TPST1: variants seen among roughly 807,000 people sequenced by gnomAD.
TPST1 encodes the protein tyrosylprotein sulfotransferase 1, also known as protein-tyrosine sulfotransferase 1.
TPST1 carries 20 observed loss-of-function variants against 34.8 expected under a neutral mutation model. The ratio of observed to expected loss-of-function variants is 0.57; its 90% CI spans 0.40 to 0.84. TPST1 has a LOEUF of 0.84. TPST1 is among the 40% of genes least tolerant of loss of function. TPST1 has a pLI of 0.00. For missense variants in TPST1, 353 were observed against 455.5 expected (o/e 0.78, Z 2.05); for synonymous variants, 152 against 159.4 (o/e 0.95, Z 0.35).
chr7:66,225,379 A>G (rs529045603), intron 1 of TPST1, among the ~76,000 whole-genome samples: 101 of 151,742 alleles, frequency 6.7e-4, no homozygotes, highest in Admixed American at 2.2e-3. Context: ...TGGGAGGCTG[A>G]GGCGGGCGGA....
intron 1 of TPST1, among the ~76,000 whole-genome samples, chr7:66,227,263 C>T (rs1019338376): frequency 6.6e-6 from 1 of 151,858 alleles, no homozygotes; most frequent in African/African-American, 2.4e-5. Flanking sequence ...GAACTCCTGA[C>T]CTTGTGATCT....
chr7:66,283,175 C>T (rs772316955), intron 2 of TPST1, among the ~76,000 whole-genome samples: 6 of 152,038 alleles, frequency 3.9e-5, no homozygotes, highest in East Asian at 1.9e-4. Context: ...GCAGGAGAAT[C>T]GCTTGAACCC....
At chr7:66,341,720 G>T (rs1792242580) in intron 3 of TPST1, among the ~76,000 whole-genome samples, 1 of 152,188 alleles carries the variant, frequency 6.6e-6, no homozygotes, top group African/African-American at 2.4e-5. Flanking sequence ...GAAATTGGCA[G>T]AACATCTCTA....
At position 66,215,906 on chromosome 7, in the gene TPST1, G is replaced by A. The variant is rs560372016; in HGVS notation, c.-102+10384G>A. On this transcript the variant is annotated intron_variant, in intron 1 of 5. Coordinates refer to ENST00000304842, the MANE Select transcript of TPST1 (RefSeq NM_003596.4). The stretch of plus-strand genomic sequence containing the variant: ...TCCTGCCTCGGCCTCCCAAGTAGCT[G>A]GGACTACAGGCGCCCGCCACGACGG... 4.6e-5 allele frequency among the ~76,000 whole-genome samples: 7 copies of A among 151,224 alleles called. No homozygotes were observed. In the South Asian group the frequency reaches 1.5e-3, roughly 32 times the overall value.
chr7:66,275,394 G>A (rs1001489435), intron 2 of TPST1, among the ~76,000 whole-genome samples: 1 of 152,084 alleles, frequency 6.6e-6, no homozygotes, highest in Non-Finnish European at 1.5e-5. Context: ...CAAAGGAATT[G>A]AAATCAGAAT....
chr7:66,338,216 T>A (rs1004292307), intron 3 of TPST1, among the ~76,000 whole-genome samples: 6 of 151,700 alleles, frequency 4.0e-5, no homozygotes, highest in African/African-American at 1.5e-4. Context: ...TAAACTTAAA[T>A]CAAGATGGTT....
At chr7:66,302,445 G>A (rs1791335834) in intron 3 of TPST1, among the ~76,000 whole-genome samples, 2 of 152,288 alleles carry the variant, frequency 1.3e-5, no homozygotes, top group South Asian at 4.2e-4. Flanking sequence ...CTCTCACTGT[G>A]CTCCCACCAG....
chr7:66,323,539 A>G (rs909705432), intron 3 of TPST1, among the ~76,000 whole-genome samples: 2 of 152,204 alleles, frequency 1.3e-5, no homozygotes, highest in African/African-American at 4.8e-5. Flanking sequence ...GAACCACCCT[A>G]GCATTCCTGA....
intron 3 of TPST1, among the ~76,000 whole-genome samples, chr7:66,300,143 A>G (rs182370660): frequency 3.2e-4 from 48 of 152,342 alleles, no homozygotes; most frequent in African/African-American, 9.6e-5. Flanking sequence ...TCTTACCTCC[A>G]TGTTGATGAC....
Position 66,360,209 on chromosome 7 carries a change from G to A in TPST1, c.*344G>A. 1 of 310,184 alleles carries A rather than the reference G, an allele frequency of 3.2e-6. No homozygotes were observed. Among genetic ancestry groups the A allele is most frequent in the Non-Finnish European group, 6.4e-6 (1 of 155,712 alleles). The allele number at this position is 310,184 out of a possible 1,614,324, so 19.2% of individuals were successfully genotyped here. ...TTTTCAAGGAGAGGGTTTAAAAATG[G>A]GATCCTGTAAGCAGACTTGGGCAGT... On this transcript the variant is annotated 3_prime_UTR_variant, in exon 6 of 6. Transcript: ENST00000304842.
At chr7:66,352,900 G>A in intron 4 of TPST1, 1 of 985,410 alleles carries the variant, frequency 1.0e-6, no homozygotes, top group Non-Finnish European at 1.2e-6. Context: ...AAAATGTTCA[G>A]CGACCCTCTC....
chr7:66,234,162 TC>T (rs1789856905), intron 1 of TPST1, among the ~76,000 whole-genome samples: 1 of 152,214 alleles, frequency 6.6e-6, no homozygotes, highest in South Asian at 2.1e-4. Flanking sequence ...CTGGCCTACT[TC>T]CTGCTTCTTG....
At chr7:66,248,792 C>T (rs926353816) in intron 2 of TPST1, among the ~76,000 whole-genome samples, 4 of 152,086 alleles carry the variant, frequency 2.6e-5, no homozygotes, top group Admixed American at 6.5e-5. Flanking sequence ...GGATTATAGG[C>T]GTGAGCCACC....
At chr7:66,263,426 A>G (rs570197133) in intron 2 of TPST1, among the ~76,000 whole-genome samples, 3 of 152,240 alleles carry the variant, frequency 2.0e-5, no homozygotes, top group South Asian at 4.2e-4. Flanking sequence ...AGTTTCTCAT[A>G]CTAGTCTCTG....
upstream of TPST1, among the ~76,000 whole-genome samples, chr7:66,201,304 G>A (rs1225210954): frequency 6.6e-6 from 1 of 151,106 alleles, no homozygotes; most frequent in Non-Finnish European, 1.5e-5. Flanking sequence ...ACCACTTTGG[G>A]AGGCCAGCGT....
At chr7:66,257,143 C>T (rs193013576) in intron 2 of TPST1, among the ~76,000 whole-genome samples, 1,704 of 152,194 alleles carry the variant, frequency 0.011, 17 homozygotes, top group Non-Finnish European at 0.018. Flanking sequence ...GATAGGGTTT[C>T]GCTATGTTGC....
In TPST1 at chr7:66,272,748, G is replaced by A. The variant is rs117989445; in HGVS notation, c.846-13763G>A. ...ACTACAGGCACATACCCTCATGCCTGGCTAATTTTTGTATATTTTATAGAG... is the reference window on the plus strand; with the variant it reads ...ACTACAGGCACATACCCTCATGCCTAGCTAATTTTTGTATATTTTATAGAG... On this transcript the variant is annotated intron_variant, in intron 2 of 5. Transcript: ENST00000304842. 7.0e-3 allele frequency among the ~76,000 whole-genome samples: 1,062 copies of A among 152,020 alleles called. 18 individuals carry two copies. The highest frequency in any genetic ancestry group is 0.04 in the East Asian group (206 of 5,176).
At chr7:66,206,748 T>C (rs1584130446) in intron 1 of TPST1, among the ~76,000 whole-genome samples, 1 of 152,108 alleles carries the variant, frequency 6.6e-6, no homozygotes, top group African/African-American at 2.4e-5. Flanking sequence ...ATATAAGCAA[T>C]GTGGTACGTG....
In TPST1 at chr7:66,296,255, C is replaced by A. The variant is rs1242072179; in HGVS notation, c.1044+9546C>A. ...TAAAAAACACCCACCCTTCCCCCCC[C>A]CCTCCCCCACCGTCTCTGCCTATCT... On this transcript the variant is annotated intron_variant, in intron 3 of 5. Transcript: ENST00000304842. 1.4e-3 allele frequency among the ~76,000 whole-genome samples: 53 copies of A among 38,972 alleles called. 1 individual carries two copies. Among genetic ancestry groups the A allele is most frequent in the South Asian group, 2.0e-3 (3 of 1,512 alleles). The allele number at this position is 38,972 out of a possible 152,430, so 25.6% of individuals were successfully genotyped here. A position where few individuals can be genotyped will look rare whatever the true frequency, so the allele number is the denominator to read the frequency against.
Sources: gnomAD v4.1 joint callset for allele counts (sites outside exome capture counted in the v4.1 genomes callset) on GRCh38, gnomAD v4.1.1 for gene constraint, MANE v1.5 for transcripts, NCBI Gene and HGNC (gene_info 2026-07-23, HGNC 2026-07-21) for gene names.